PLOD2: variants seen among roughly 807,000 people sequenced by gnomAD.
PLOD2 encodes the protein procollagen-lysine,2-oxoglutarate 5-dioxygenase 2.
PLOD2 carries 65 observed loss-of-function variants against 101.0 expected under a neutral mutation model. The ratio of observed to expected loss-of-function variants is 0.64; its 90% confidence interval spans 0.53 to 0.79. The LOEUF is 0.79. Ranked by LOEUF, PLOD2 falls within the 30% of genes least tolerant of loss-of-function variation. The pLI is 0.00. For synonymous variants in PLOD2, 314 were observed against 302.9 expected (o/e 1.04, Z -0.38); for missense variants, 909 against 914.6 (o/e 0.99, Z 0.08).
intron 1 of PLOD2, among the ~76,000 whole-genome samples, chr3:146,137,347 T>A (rs550138308): frequency 6.6e-6 from 1 of 152,250 alleles, no homozygotes; most frequent in African/African-American, 2.4e-5. Context: ...ACTGTTTAAG[T>A]GTGATACTCC....
intron 2 of PLOD2, chr3:146,123,337 A>C: frequency 9.5e-7 from 1 of 1,055,336 alleles, no homozygotes; most frequent in Non-Finnish European, 1.2e-6. Context: ...TATTAAAAAA[A>C]ACAAGTAAGT....
chr3:146,146,731 C>G lies in PLOD2; in HGVS notation c.109+14150G>C, dbSNP rs551499264. Among the ~76,000 whole-genome samples the G allele has an allele frequency of 9.8e-5, 15 of 152,324 alleles. No homozygotes were observed. In the South Asian group the frequency reaches 2.7e-3, roughly 27 times the overall value. The stretch of plus-strand genomic sequence containing the variant: ...GTGGGCTCCTGATTCCCCGCTGGGA[C>G]AGAGGTAGTAGCCTCCTAGTTTGGT... On this transcript the variant is annotated intron_variant, in intron 1 of 19. Transcript: ENST00000282903.
At chr3:146,112,813 T>C (rs559059019) in intron 3 of PLOD2, among the ~76,000 whole-genome samples, 2 of 145,652 alleles carry the variant, frequency 1.4e-5, no homozygotes, top group South Asian at 4.4e-4. Flanking sequence ...ATCATGCCAC[T>C]GCACTCCAGC....
At chr3:146,105,724 G>A (rs1937524834) in intron 5 of PLOD2, among the ~76,000 whole-genome samples, 1 of 152,152 alleles carries the variant, frequency 6.6e-6, no homozygotes, top group Non-Finnish European at 1.5e-5. Flanking sequence ...AGGGAACCAA[G>A]GATCCAGTCC....
chr3:146,156,218 T>C (rs1436706578), intron 1 of PLOD2, among the ~76,000 whole-genome samples: 6 of 152,216 alleles, frequency 3.9e-5, no homozygotes, highest in Non-Finnish European at 7.3e-5. Flanking sequence ...CAGAGCCAGC[T>C]GCTACTGTCC....
At chr3:146,126,201 T>C (rs1169318200) in intron 1 of PLOD2, among the ~76,000 whole-genome samples, 7 of 152,208 alleles carry the variant, frequency 4.6e-5, no homozygotes. Flanking sequence ...ACTGTTTCAG[T>C]ACTATTGCTC....
rs1255332020 is a variant in PLOD2, at chr3:146,140,942, T to A, written c.110-16713A>T. Among the ~76,000 whole-genome samples, 3 of 152,002 alleles carry A rather than the reference T, an allele frequency of 2.0e-5. No individual in the cohort carries two copies. In the East Asian group the frequency reaches 5.8e-4, roughly 29 times the overall value. ...CTGCTTCTGATCTTTAATTTCCTGG[T>A]CTCCATTTTAATGTCTGAGTGTCCA... On this transcript the variant is annotated intron_variant, in intron 1 of 19. Coordinates refer to ENST00000282903, the MANE Select transcript of PLOD2 (RefSeq NM_182943.3).
At chr3:146,123,249 C>T (rs778606987) in intron 2 of PLOD2, 96 of 1,071,606 alleles carry the variant, frequency 9.0e-5, no homozygotes, top group Middle Eastern at 2.6e-4. Context: ...AAGTTTTTTG[C>T]TTTTTGTGTT....
At chr3:146,138,295 T>C (rs2031348206) in intron 1 of PLOD2, among the ~76,000 whole-genome samples, 1 of 150,256 alleles carries the variant, frequency 6.7e-6, no homozygotes, top group Non-Finnish European at 1.5e-5. Flanking sequence ...AGACCAAAAA[T>C]AAGCCTCTGC....
At chr3:146,084,127 A>T (rs1320575520) in intron 11 of PLOD2, among the ~76,000 whole-genome samples, 1 of 152,132 alleles carries the variant, frequency 6.6e-6, no homozygotes, top group African/African-American at 2.4e-5. Context: ...ACTAGGTTTT[A>T]AGAGTTACAA....
chr3:146,136,854 T>C (rs1343643463), intron 1 of PLOD2, among the ~76,000 whole-genome samples: 1 of 152,246 alleles, frequency 6.6e-6, no homozygotes, highest in Admixed American at 6.5e-5. Flanking sequence ...AGGTACACTC[T>C]ATGATGTTTC....
chr3:146,153,080 T>C (rs1263937037), intron 1 of PLOD2, among the ~76,000 whole-genome samples: 2 of 152,136 alleles, frequency 1.3e-5, no homozygotes, highest in African/African-American at 4.8e-5. Context: ...AGAACCAGCA[T>C]AGCCAGAGCA....
intron 12 of PLOD2, among the ~76,000 whole-genome samples, chr3:146,081,499 C>T (rs969662948): frequency 2.6e-5 from 4 of 152,108 alleles, no homozygotes; most frequent in Non-Finnish European, 4.4e-5. Flanking sequence ...CATATATTAT[C>T]TCTTAGTATT....
At chr3:146,113,693 G>A (rs1458790254) in intron 3 of PLOD2, among the ~76,000 whole-genome samples, 1 of 152,106 alleles carries the variant, frequency 6.6e-6, no homozygotes, top group Non-Finnish European at 1.5e-5. Flanking sequence ...CTGAGGATGT[G>A]CGTAGCCTTA....
At position 146,110,261 on chromosome 3, in the gene PLOD2, C is replaced by T. The variant is rs115816505; in HGVS notation, c.502+24G>A. Reference sequence around the variant, plus strand: ...ATTAGTCTTTATAACTTGCATTAAACTTTTCTTCCAGTATCTAACTCACCT... The same window carrying T: ...ATTAGTCTTTATAACTTGCATTAAATTTTTCTTCCAGTATCTAACTCACCT... On this transcript the variant is annotated intron_variant, in intron 4 of 19. Transcript: ENST00000282903. The T allele has an allele frequency of 9.6e-3, 15,454 of 1,607,760 alleles. 108 individuals carry two copies. Among genetic ancestry groups the T allele is most frequent in the Non-Finnish European group, 0.011 (12,992 of 1,174,674 alleles).
chr3:146,093,741 T>A (rs1028588005), intron 7 of PLOD2, among the ~76,000 whole-genome samples: 1 of 152,186 alleles, frequency 6.6e-6, no homozygotes, highest in Non-Finnish European at 1.5e-5. Flanking sequence ...AGAAATCTTA[T>A]TAAAAATGTA....
chr3:146,096,914 G>A (rs1175823554), intron 7 of PLOD2, among the ~76,000 whole-genome samples: 1 of 139,882 alleles, frequency 7.1e-6, no homozygotes, highest in Non-Finnish European at 1.6e-5. Context: ...CCCCGTCCAG[G>A]AGGTGAGGGG....
At chr3:146,072,301 T>G (rs1462939741) in intron 17 of PLOD2, among the ~76,000 whole-genome samples, 1 of 151,648 alleles carries the variant, frequency 6.6e-6, no homozygotes, top group Admixed American at 6.6e-5. Flanking sequence ...AACTCTGGCC[T>G]GAGGACATCG....
chr3:146,073,375 A>C, intron 15 of PLOD2, 23 bp from the exon 16 acceptor site: 1 of 850,740 alleles, frequency 1.2e-6, no homozygotes, highest in Non-Finnish European at 1.9e-6. Context: ...GTACATATTA[A>C]AACAAATATC....
Sources: gnomAD v4.1 joint callset for allele counts (sites outside exome capture counted in the v4.1 genomes callset) on GRCh38, gnomAD v4.1.1 for gene constraint, MANE v1.5 for transcripts, NCBI Gene and HGNC (gene_info 2026-07-23, HGNC 2026-07-21) for gene names.